The following GFRA3 variants were observed in gnomAD, a reference collection of about 807,000 sequenced individuals.
GFRA3 encodes GDNF family receptor alpha-3.
In GFRA3, 24 loss-of-function variants were observed where a neutral mutation model predicts 40.0. That is an observed-to-expected ratio of 0.60 (90% confidence interval 0.43 to 0.84). GFRA3 has a LOEUF of 0.84. Ranked by LOEUF, GFRA3 falls within the 40% of genes least tolerant of loss-of-function variation. GFRA3 has a pLI of 0.00. For missense variants in GFRA3, 405 were observed against 530.6 expected (o/e 0.76, Z 2.33); for synonymous variants, 203 against 213.5 (o/e 0.95, Z 0.43).
intron 4 of GFRA3, among the ~76,000 whole-genome samples, chr5:138,256,956 A>AAT (rs1474626469): frequency 6.6e-6 from 1 of 151,470 alleles, no homozygotes; most frequent in East Asian, 1.9e-4. Flanking sequence ...CAAAAAAAAA[A>AAT]AAAAAAGTTC....
chr5:138,264,438 T>C lies in GFRA3; in HGVS notation c.202A>G (p.Thr68Ala). ...GGCAGTGGGGTGCTTATGCTAGAGG[T>C]GCAGGAATCCAGGTGGTGGTAGGCA... ...SAAYHHLDSC[T>A]SSISTPLPSE... Residue 68 changes from threonine to alanine, a missense_variant, in exon 2 of 8, where the codon ACC (threonine) becomes GCC (alanine). Thr to Ala is a moderately conservative substitution (Grantham distance 58). Coordinates refer to ENST00000274721, the MANE Select transcript of GFRA3 (RefSeq NM_001496.4). 1 of 1,613,912 alleles carries C rather than the reference T, an allele frequency of 6.2e-7. No individual in the cohort carries two copies. The highest frequency in any genetic ancestry group is 8.5e-7 in the Non-Finnish European group (1 of 1,179,924).
chr5:138,270,205 CAA>C (rs34014240), intron 1 of GFRA3, among the ~76,000 whole-genome samples: 11 of 72,442 alleles, frequency 1.5e-4, no homozygotes, highest in South Asian at 4.5e-4. Flanking sequence ...ACTAAAAATA[CAA>C]AAAAAAAAAA....
chr5:138,268,023 G>T (rs1034293405), intron 1 of GFRA3, among the ~76,000 whole-genome samples: 1 of 152,070 alleles, frequency 6.6e-6, no homozygotes. Context: ...TGGCCACCAC[G>T]CCTGTAATCT....
chr5:138,255,510 C>T (rs1755613456), intron 4 of GFRA3, among the ~76,000 whole-genome samples: 1 of 152,208 alleles, frequency 6.6e-6, no homozygotes, highest in African/African-American at 2.4e-5. Context: ...TCAAATCTAT[C>T]AAATACCTTA....
At chr5:138,264,835 C>T (rs551626393) in intron 1 of GFRA3, among the ~76,000 whole-genome samples, 4 of 152,064 alleles carry the variant, frequency 2.6e-5, no homozygotes, top group African/African-American at 7.2e-5. Context: ...TGTTTGAAGG[C>T]GAGCCTGATG....
intron 3 of GFRA3, among the ~76,000 whole-genome samples, chr5:138,258,947 C>A (rs1436079283): frequency 6.6e-6 from 1 of 152,174 alleles, no homozygotes; most frequent in African/African-American, 2.4e-5. Flanking sequence ...AAACTCTATG[C>A]CTTTTTCTCA....
chr5:138,269,172 C>T (rs1755830319), intron 1 of GFRA3, among the ~76,000 whole-genome samples: 1 of 152,122 alleles, frequency 6.6e-6, no homozygotes, highest in Admixed American at 6.6e-5. Flanking sequence ...GATCAGGGAA[C>T]ACTTCTACAC....
intron 2 of GFRA3, 141 bp from the exon 3 acceptor site, chr5:138,259,790 C>A: frequency 1.5e-6 from 1 of 672,188 alleles, no homozygotes; most frequent in Admixed American, 2.3e-5. Context: ...GCAAGCTGTG[C>A]AAAGATGAGA....
At chr5:138,266,209 A>G (rs932573299) in intron 1 of GFRA3, among the ~76,000 whole-genome samples, 4 of 152,190 alleles carry the variant, frequency 2.6e-5, no homozygotes, top group African/African-American at 7.2e-5. Context: ...TTGCTGGGTC[A>G]TACGGTAATT....
intron 1 of GFRA3, among the ~76,000 whole-genome samples, chr5:138,265,933 T>C (rs934581345): frequency 6.6e-6 from 1 of 152,152 alleles, no homozygotes; most frequent in Non-Finnish European, 1.5e-5. Context: ...TGACCTCAGA[T>C]GATCTGCCTG....
intron 2 of GFRA3, among the ~76,000 whole-genome samples, chr5:138,262,427 A>T (rs1755724326): frequency 6.6e-6 from 1 of 152,102 alleles, no homozygotes. Context: ...CTATGAATCA[A>T]TGTCTGCTGT....
intron 4 of GFRA3, 147 bp from the exon 5 acceptor site, chr5:138,254,307 C>T (rs1360852041): frequency 4.8e-6 from 3 of 624,558 alleles, no homozygotes; most frequent in Non-Finnish European, 8.6e-6. Context: ...CCTGCCTCAG[C>T]CTCCCGAGTA....
In GFRA3 at chr5:138,253,286, C is replaced by G. The variant is rs758759964; in HGVS notation, c.1113+1G>C. On this transcript the variant is annotated splice_donor_variant, in intron 7 of 7. Coordinates refer to ENST00000274721, the MANE Select transcript of GFRA3 (RefSeq NM_001496.4). LOFTEE classifies it high-confidence loss of function. Reference sequence around the variant, plus strand: ...GAGGGGTGTAACAGAGGAGGCCCTACCTGGTGTGCCATCACAGCAAAGGTA... The same window carrying G: ...GAGGGGTGTAACAGAGGAGGCCCTAGCTGGTGTGCCATCACAGCAAAGGTA... 6.4e-7 allele frequency: 1 copy of G among 1,574,626 alleles called. No individual in the cohort carries two copies.
chr5:138,274,395 C>T lies in GFRA3; in HGVS notation c.30G>A (p.Leu10=). MVRPLNPRP[L]PPVVLMLLLL... The stretch of plus-strand genomic sequence containing the variant: ...GCAGCAACATCAGGACTACGGGCGG[C>T]AGCGGTCGCGGGTTCAGGGGGCGCA... Residue 10 remains leucine, a synonymous_variant, in exon 1 of 8, where the codon CTG becomes CTA. Transcript: ENST00000274721. 7.6e-7 allele frequency: 1 copy of T among 1,315,844 alleles called. No individual in the cohort carries two copies. The highest frequency in any genetic ancestry group is 9.7e-7 in the Non-Finnish European group (1 of 1,028,446). The allele number at this position is 1,315,844 out of a possible 1,614,324, so 81.5% of individuals were successfully genotyped here.
rs61112096 is a variant in GFRA3 at position 138,271,907 on chromosome 5, T to TGTGTGTGTG, written c.91+2426_91+2427insCACACACAC. Among the ~76,000 whole-genome samples the TGTGTGTGTG allele has an allele frequency of 9.3e-3, 913 of 98,104 alleles. 5 individuals carry two copies. Among genetic ancestry groups the TGTGTGTGTG allele is most frequent in the South Asian group, 0.014 (32 of 2,236 alleles). 64.4% of individuals were successfully genotyped at this position (98,104 alleles called of 152,430 possible). On this transcript the variant is annotated intron_variant, in intron 1 of 7. Coordinates refer to ENST00000274721, the MANE Select transcript of GFRA3 (RefSeq NM_001496.4). ...TTTCTTTTCTGTTTTTTTTTTTTTTTTTTTTTTGTGTGTGTGTGTGTGTGT... is the reference window on the plus strand; with the variant it reads ...TTTCTTTTCTGTTTTTTTTTTTTTTTGTGTGTGTGTTTTTTTGTGTGTGTGTGTGTGTGT...
Position 138,254,038 on chromosome 5 carries a change from C to T in GFRA3, c.889+19G>A. On this transcript the variant is annotated intron_variant, in intron 5 of 7. Coordinates refer to ENST00000274721, the MANE Select transcript of GFRA3 (RefSeq NM_001496.4). ...GGCCTAGCCAACATAGGGTTCCCTACACATGCCCCCAGCCTCACCAATCAG... is the reference window on the plus strand; with the variant it reads ...GGCCTAGCCAACATAGGGTTCCCTATACATGCCCCCAGCCTCACCAATCAG... The T allele has an allele frequency of 6.3e-7, 1 of 1,580,758 alleles. No homozygotes were observed. The highest frequency in any genetic ancestry group is 8.7e-7 in the Non-Finnish European group (1 of 1,149,686).
Position 138,259,605 on chromosome 5 carries a change from TG to T in GFRA3, c.423del (p.Ser142AlafsTer6). On this transcript the variant is annotated frameshift_variant, in exon 3 of 8. Coordinates refer to ENST00000274721, the MANE Select transcript of GFRA3 (RefSeq NM_001496.4). LOFTEE classifies it high-confidence loss of function. ...CTGAGATTCATTTTCCAGGGTTTGC[TG>T]GTCACTGTGTCTTCATAGGGGGAGA... ...LDVSPYEDTV[T>X]SKPWKMNLSK... 1.3e-6 allele frequency: 2 copies of T among 1,570,122 alleles called. No individual in the cohort carries two copies. The highest frequency in any genetic ancestry group is 1.8e-6 in the Non-Finnish European group (2 of 1,139,808).
chr5:138,273,903 A>T (rs1191210680), intron 1 of GFRA3, among the ~76,000 whole-genome samples: 2 of 152,174 alleles, frequency 1.3e-5, no homozygotes, highest in African/African-American at 4.8e-5. Flanking sequence ...CTTCACCTGT[A>T]CCTAGTTTCT....
intron 6 of GFRA3, 27 bp downstream of exon 6, chr5:138,253,739 G>A (rs1482769816): frequency 1.2e-6 from 2 of 1,607,406 alleles, no homozygotes; most frequent in Non-Finnish European, 1.7e-6. Context: ...CAGCCCCAGG[G>A]GCTGGGAGCA....
Sources: gnomAD v4.1 joint callset for allele counts (sites outside exome capture counted in the v4.1 genomes callset) on GRCh38, gnomAD v4.1.1 for gene constraint, MANE v1.5 for transcripts, NCBI Gene and HGNC (gene_info 2026-07-23, HGNC 2026-07-21) for gene names.